Variants in NSD2 observed in about 807,000 individuals in gnomAD.
NSD2 encodes the protein nuclear receptor binding SET domain protein 2.
Under a neutral mutation model 139.0 loss-of-function variants are expected in NSD2, and 12 were observed. The ratio of observed to expected loss-of-function variants is 0.09; its 90% CI spans 0.06 to 0.14. NSD2 has a LOEUF of 0.14. Among genes scored for constraint, NSD2 ranks in the 10% least tolerant of loss-of-function variants. The probability of loss-of-function intolerance (pLI) is 1.00; values close to 1 mark genes in which losing one functional copy is unlikely to be tolerated. For synonymous variants in NSD2, 669 were observed against 648.7 expected, an observed-to-expected ratio of 1.03 and a Z score of -0.48; for missense variants, 1,155 against 1,745.0, an observed-to-expected ratio of 0.66 and a Z score of 6.02.
intron 5 of NSD2, among the ~76,000 whole-genome samples, chr4:1,930,359 T>G (rs1197822063): frequency 6.6e-6 from 1 of 152,138 alleles, no homozygotes; most frequent in Non-Finnish European, 1.5e-5. Context: ...TATATATATA[T>G]TTTTATCATT....
chr4:1,950,327 C>G (rs1396896892), intron 9 of NSD2, among the ~76,000 whole-genome samples: 1 of 152,156 alleles, frequency 6.6e-6, no homozygotes, highest in Admixed American at 6.5e-5. Context: ...CAATTCCACT[C>G]GCTCAGGGAT....
At chr4:1,950,992 G>A (rs761830546) in intron 9 of NSD2, 80 bp from the exon 10 acceptor site, 52 of 1,559,090 alleles carry the variant, frequency 3.3e-5, no homozygotes, top group Non-Finnish European at 4.3e-5. Flanking sequence ...GGGGTGGGGC[G>A]GGACGAGCCT....
At chr4:1,879,188 T>C (rs1463145329) in intron 1 of NSD2, among the ~76,000 whole-genome samples, 1 of 152,098 alleles carries the variant, frequency 6.6e-6, no homozygotes, top group Non-Finnish European at 1.5e-5. Context: ...TATGTAAATA[T>C]ATACAACACT....
In NSD2 at chr4:1,973,668, T is replaced by TGG. The variant is rs1296832165; in HGVS notation, c.3373-1193_3373-1192dup. Among the ~76,000 whole-genome samples the TGG allele has an allele frequency of 1.3e-5, 2 of 152,232 alleles. No individual in the cohort carries two copies. Among genetic ancestry groups the TGG allele is most frequent in the African/African-American group, 4.8e-5 (2 of 41,456 alleles). ...CCAGCGGTCCCAGACAGGGGCACCC[T>TGG]GGGAGATTGCACCAGGGCTGGGTGC... On this transcript the variant is annotated intron_variant, in intron 18 of 21. Coordinates refer to ENST00000508803, the MANE Select transcript of NSD2 (RefSeq NM_001042424.3). This position sits in a 1 kb window ranked among gnomAD's most constrained non-coding sequence, Gnocchi z 5.5.
intron 5 of NSD2, 129 bp downstream of exon 5, chr4:1,918,752 A>C: frequency 9.3e-6 from 12 of 1,293,948 alleles, no homozygotes; most frequent in Non-Finnish European, 1.3e-5. Context: ...TTTTAGATCT[A>C]ATAAATAAGT....
intron 3 of NSD2, among the ~76,000 whole-genome samples, chr4:1,907,053 G>A (rs972710413): frequency 3.9e-5 from 6 of 152,082 alleles, no homozygotes; most frequent in African/African-American, 1.4e-4. Context: ...TACTCTCTGC[G>A]GTTGAGGCTG....
chr4:1,969,945 C>A (rs547863996), intron 18 of NSD2, among the ~76,000 whole-genome samples: 1 of 152,124 alleles, frequency 6.6e-6, no homozygotes, highest in African/African-American at 2.4e-5. Flanking sequence ...GCCTAAACCT[C>A]AAGGAACACA....
intron 7 of NSD2, among the ~76,000 whole-genome samples, chr4:1,937,125 C>CA (rs1252333187): frequency 1.3e-5 from 2 of 152,024 alleles, no homozygotes; most frequent in Non-Finnish European, 2.9e-5. Context: ...AATCTTCACT[C>CA]ACTGCAACCT....
At chr4:1,909,268 C>G (rs143043790) in intron 3 of NSD2, among the ~76,000 whole-genome samples, 5 of 152,172 alleles carry the variant, frequency 3.3e-5, no homozygotes, top group Non-Finnish European at 5.9e-5. Context: ...CACCACCCCC[C>G]CCAACCCTAG....
Position 1,876,084 on chromosome 4 carries a change from A to AG in NSD2, c.-30+4543dup, listed in dbSNP as rs1378508558. On this transcript the variant is annotated intron_variant, in intron 1 of 21. Coordinates refer to ENST00000508803, the MANE Select transcript of NSD2 (RefSeq NM_001042424.3). ...TAAAAAATAAGCTGGGCATGGTTGC[A>AG]GTGCCTGTAGTCCCAGCTACTCGGG... Among the ~76,000 whole-genome samples, 5 of 138,728 alleles carry AG rather than the reference A, an allele frequency of 3.6e-5. No individual in the cohort carries two copies. In the South Asian group the frequency reaches 7.1e-4, roughly 20 times the overall value. The allele number at this position is 138,728 out of a possible 152,430, so 91.0% of individuals were successfully genotyped here.
chr4:1,967,491 T>A (rs1286483469), intron 18 of NSD2, among the ~76,000 whole-genome samples: 1 of 151,638 alleles, frequency 6.6e-6, no homozygotes, highest in Non-Finnish European at 1.5e-5. Flanking sequence ...GGCAGGAGAA[T>A]CGCTTGAACC....
intron 18 of NSD2, among the ~76,000 whole-genome samples, chr4:1,963,298 A>G (rs1247672224): frequency 6.6e-6 from 1 of 152,108 alleles, no homozygotes; most frequent in Non-Finnish European, 1.5e-5. Context: ...TCATGTGGGG[A>G]CCAGTGATAA....
In NSD2 at chr4:1,981,014, G is replaced by A. The variant is rs1727706302; in HGVS notation, c.*2105G>A. 8.6e-6 allele frequency: 2 copies of A among 233,236 alleles called. No homozygotes were observed. The highest frequency in any genetic ancestry group is 2.2e-5 in the African/African-American group (1 of 45,436). The allele number at this position is 233,236 out of a possible 1,614,324, so 14.4% of individuals were successfully genotyped here. ...CAAAAGATCCCTTCCGGCAGGTAAG[G>A]GACTACCAATGCTTACGTCAAAACA... On this transcript the variant is annotated 3_prime_UTR_variant, in exon 22 of 22. Coordinates refer to ENST00000508803, the MANE Select transcript of NSD2 (RefSeq NM_001042424.3).
Position 1,895,630 on chromosome 4 carries a change from G to A in NSD2, c.-29-4996G>A, listed in dbSNP as rs577156578. Among the ~76,000 whole-genome samples, 13 of 152,080 alleles carry A rather than the reference G, an allele frequency of 8.5e-5. No individual in the cohort carries two copies. In the South Asian group the frequency reaches 1.7e-3, roughly 19 times the overall value. On this transcript the variant is annotated intron_variant, in intron 1 of 21. Transcript: ENST00000508803. ...GACCTTCCATACTGTCCCATGCCTG[G>A]CTCCTGGAGGATCTCTCACTGCTGG...
chr4:1,880,071 A>G (rs1429675396), intron 1 of NSD2, among the ~76,000 whole-genome samples: 1 of 152,082 alleles, frequency 6.6e-6, no homozygotes, highest in Non-Finnish European at 1.5e-5. Context: ...AATGATTTTT[A>G]TTTCATAAAA....
intron 8 of NSD2, chr4:1,939,387 G>C (rs1722836376): frequency 1.1e-5 from 5 of 453,514 alleles, no homozygotes; most frequent in Admixed American, 1.0e-4. Flanking sequence ...ATCTGGCAGG[G>C]GGACGTGGAA....
intron 3 of NSD2, among the ~76,000 whole-genome samples, chr4:1,911,210 C>T (rs998048868): frequency 2.0e-5 from 3 of 152,174 alleles, no homozygotes; most frequent in African/African-American, 7.2e-5. Context: ...TAGTAGAAGC[C>T]AGGTTCTCTT....
intron 19 of NSD2, 101 bp downstream of exon 19, chr4:1,975,105 G>T: frequency 6.4e-7 from 1 of 1,566,768 alleles, no homozygotes; most frequent in Non-Finnish European, 8.7e-7. Flanking sequence ...TCTGGGGGAG[G>T]TGGGTGCTGA....
intron 16 of NSD2, 107 bp from the exon 17 acceptor site, chr4:1,959,364 T>C: frequency 1.4e-6 from 2 of 1,390,744 alleles, no homozygotes; most frequent in Non-Finnish European, 2.0e-6. Flanking sequence ...TCTGAAGCTT[T>C]CTAAAAGGCC....
Sources: gnomAD v4.1 joint callset for allele counts (sites outside exome capture counted in the v4.1 genomes callset) on GRCh38, gnomAD v4.1.1 for gene constraint, Gnocchi (gnomAD v3.1) non-coding constraint, MANE v1.5 for transcripts, NCBI Gene and HGNC (gene_info 2026-07-23, HGNC 2026-07-21) for gene names.